Variants in CAPN2 observed in about 807,000 individuals in gnomAD.
CAPN2 encodes calpain 2.
CAPN2 carries 92 observed loss-of-function variants against 102.3 expected under a neutral mutation model. The observed-to-expected ratio is 0.90, with a 90% CI of 0.76 to 1.07. CAPN2 has a LOEUF of 1.07. Ranked by LOEUF, CAPN2 falls within the 50% of genes least tolerant of loss-of-function variation. The probability of loss-of-function intolerance (pLI) is 0.00; values close to 1 mark genes in which losing one functional copy is unlikely to be tolerated. For missense variants in CAPN2, 800 were observed against 909.4 expected (o/e 0.88, Z 1.55); for synonymous variants, 340 against 355.4 (o/e 0.96, Z 0.49).
chr1:223,759,621 G>A lies in CAPN2; in HGVS notation c.1529+140G>A, dbSNP rs1558075608. 3.1e-6 allele frequency: 2 copies of A among 654,370 alleles called. No individual in the cohort carries two copies. The highest frequency in any genetic ancestry group is 2.7e-5 in the East Asian group (1 of 36,656). The allele number at this position is 654,370 out of a possible 1,614,324, so 40.5% of individuals were successfully genotyped here. A position where few individuals can be genotyped will look rare whatever the true frequency, so the allele number is the denominator to read the frequency against. The stretch of plus-strand genomic sequence containing the variant: ...CACCTGCCCACCTCGAAGGACTAGT[G>A]TGGGGATTTGATGGATTGAGGAAGT... On this transcript the variant is annotated intron_variant, in intron 12 of 20. Coordinates refer to ENST00000295006, the MANE Select transcript of CAPN2 (RefSeq NM_001748.5). This position sits in a 1 kb window ranked among gnomAD's most constrained non-coding sequence, Gnocchi z 4.6.
rs1485948389 is a variant in CAPN2, at chr1:223,755,429, C to A, written c.1136-51C>A. The A allele has an allele frequency of 1.9e-6, 3 of 1,600,354 alleles. No individual in the cohort carries two copies. Among genetic ancestry groups the A allele is most frequent in the African/African-American group, 2.7e-5 (2 of 74,602 alleles). On this transcript the variant is annotated intron_variant, in intron 9 of 20. Coordinates refer to ENST00000295006, the MANE Select transcript of CAPN2 (RefSeq NM_001748.5). The surrounding 1 kb of genome is among the most constrained non-coding windows in gnomAD (Gnocchi z 4.1). ...CCTGAGACCAGGGCCACCCCCCACCCCCATGCATTCCTGCTCAGGGCTGGG... is the reference window on the plus strand; with the variant it reads ...CCTGAGACCAGGGCCACCCCCCACCACCATGCATTCCTGCTCAGGGCTGGG...
In CAPN2 at chr1:223,725,826, G is replaced by A. The variant is rs765611161; in HGVS notation, c.307+7995G>A. On this transcript the variant is annotated intron_variant, in intron 2 of 20. Transcript: ENST00000295006. The surrounding 1 kb of genome is among the most constrained non-coding windows in gnomAD (Gnocchi z 4.1). ...CTCTCTCCTATCCCAGCACATACAC[G>A]TGCTTCCAGTACCTTGTGATCTCTA... is the stretch of plus-strand genomic sequence containing the variant. Among the ~76,000 whole-genome samples, 1 of 152,154 alleles carries A rather than the reference G, an allele frequency of 6.6e-6. No homozygotes were observed. The highest frequency in any genetic ancestry group is 2.4e-5 in the African/African-American group (1 of 41,440).
intron 6 of CAPN2, 60 bp downstream of exon 6, chr1:223,749,182 A>G: frequency 6.8e-7 from 1 of 1,464,296 alleles, no homozygotes; most frequent in South Asian, 1.1e-5. Context: ...CCACAGGCAC[A>G]GTTTGTGGTG....
intron 1 of CAPN2, among the ~76,000 whole-genome samples, chr1:223,714,342 T>C (rs75272926): frequency 0.11 from 16,487 of 152,216 alleles, 1,523 homozygotes; most frequent in African/African-American, 0.23. Flanking sequence ...CTCACTCATT[T>C]GACAACACTG....
chr1:223,767,319 C>T (rs754297338), intron 16 of CAPN2, among the ~76,000 whole-genome samples: 4 of 149,152 alleles, frequency 2.7e-5, no homozygotes, highest in Non-Finnish European at 5.9e-5. Context: ...AGGTATATCT[C>T]CCAATGCCAT....
At chr1:223,745,267 C>T (rs1269880661) in intron 3 of CAPN2, 39 bp from the exon 4 acceptor site, 1 of 1,613,316 alleles carries the variant, frequency 6.2e-7, no homozygotes, top group African/African-American at 1.3e-5. Flanking sequence ...CCAGTGCTGC[C>T]ACCAGCTCCT....
At position 223,751,373 on chromosome 1, in the gene CAPN2, A is replaced by C. The variant is rs111260752; in HGVS notation, c.899+398A>C. Among the ~76,000 whole-genome samples, 168 of 152,298 alleles carry C rather than the reference A, an allele frequency of 1.1e-3. 3 individuals carry two copies. Among genetic ancestry groups the C allele is most frequent in the African/African-American group, 3.8e-3 (159 of 41,568 alleles). On this transcript the variant is annotated intron_variant, in intron 7 of 20. Coordinates refer to ENST00000295006, the MANE Select transcript of CAPN2 (RefSeq NM_001748.5). The stretch of plus-strand genomic sequence containing the variant: ...GAGAAACATCCCTCTGTTGATTTCC[A>C]GGGCTTACTGGTAGGCATGTTGAAC...
At chr1:223,720,309 T>TTCTC (rs775005421) in intron 2 of CAPN2, among the ~76,000 whole-genome samples, 1,380 of 123,586 alleles carry the variant, frequency 0.011, 47 homozygotes, top group African/African-American at 0.039. Flanking sequence ...TTTTCTCTCT[T>TTCTC]TCTCTCTTTT....
Position 223,755,724 on chromosome 1 carries a change from G to C in CAPN2, c.1305+75G>C. 9 of 1,380,774 alleles carry C rather than the reference G, an allele frequency of 6.5e-6. No homozygotes were observed. The highest frequency in any genetic ancestry group is 8.7e-6 in the Non-Finnish European group (9 of 1,031,204). The allele number at this position is 1,380,774 out of a possible 1,614,324, so 85.5% of individuals were successfully genotyped here. A position where few individuals can be genotyped will look rare whatever the true frequency, so the allele number is the denominator to read the frequency against. ...GCCCCTGCATGGAAAGCTGACCCCA[G>C]AGGCAGAACTGGGGATGGGATCCCA... is the stretch of plus-strand genomic sequence containing the variant. On this transcript the variant is annotated intron_variant, in intron 10 of 20. Transcript: ENST00000295006. The surrounding 1 kb of genome is among the most constrained non-coding windows in gnomAD (Gnocchi z 4.1).
chr1:223,723,082 G>A (rs1660097702), intron 2 of CAPN2, among the ~76,000 whole-genome samples: 1 of 152,158 alleles, frequency 6.6e-6, no homozygotes, highest in South Asian at 2.1e-4. Flanking sequence ...CAGCACTTTG[G>A]GAGGCTGGGG....
Position 223,752,865 on chromosome 1 carries a change from C to T in CAPN2, c.1044C>T (p.Leu348=), listed in dbSNP as rs28370082. ...LEICNLTPDT[L]TSDTYKKWKL... ...TCTGTAACCTGACCCCAGACACTCTCACCAGCGATACCTACAAGAAGTGGA... is the reference window on the plus strand; with the variant it reads ...TCTGTAACCTGACCCCAGACACTCTTACCAGCGATACCTACAAGAAGTGGA... The change falls in exon 9 of 21, where the codon CTC becomes CTT. Residue 348 remains leucine (L), a synonymous_variant. Transcript: ENST00000295006. The T allele has an allele frequency of 8.6e-4, 1,381 of 1,614,146 alleles. 10 individuals are homozygous for T. In the African/African-American group the frequency reaches 0.017, roughly 19 times the overall value.
chr1:223,765,285 C>G (rs980773230), intron 15 of CAPN2, among the ~76,000 whole-genome samples: 1 of 152,228 alleles, frequency 6.6e-6, no homozygotes, highest in Admixed American at 6.5e-5. Flanking sequence ...TGGGTCTTCC[C>G]TCCCAGTGTG....
At position 223,725,556 on chromosome 1, in the gene CAPN2, G is replaced by A. The variant is rs560201864; in HGVS notation, c.307+7725G>A. 7.2e-4 allele frequency among the ~76,000 whole-genome samples: 110 copies of A among 152,284 alleles called. No individual in the cohort carries two copies. Among genetic ancestry groups the A allele is most frequent in the African/African-American group, 1.2e-3 (49 of 41,560 alleles). On this transcript the variant is annotated intron_variant, in intron 2 of 20. Transcript: ENST00000295006. This position sits in a 1 kb window ranked among gnomAD's most constrained non-coding sequence, Gnocchi z 4.1. ...GGGGAGTACTGTCAAATGAGGTCGC[G>A]TCGCTGAGGTGGAGACACATTGTGG...
At chr1:223,760,404 A>G (rs1661155881) in intron 12 of CAPN2, among the ~76,000 whole-genome samples, 1 of 152,202 alleles carries the variant, frequency 6.6e-6, no homozygotes, top group Non-Finnish European at 1.5e-5. Context: ...CCCCAAGATA[A>G]TGCATGATGC....
chr1:223,769,104 C>A (rs1255053314), intron 16 of CAPN2, among the ~76,000 whole-genome samples: 31 of 151,946 alleles, frequency 2.0e-4, no homozygotes, highest in Non-Finnish European at 8.8e-5. Context: ...GAAGTTTTTT[C>A]TGTTTGTTTG....
In CAPN2 at chr1:223,713,666, C is replaced by T. The variant is rs542625508; in HGVS notation, c.237+789C>T. 3.3e-5 allele frequency among the ~76,000 whole-genome samples: 5 copies of T among 152,276 alleles called. No individual in the cohort carries two copies. The East Asian group carries it at 9.7e-4, about 29-fold the overall frequency. ...ACTTCCCCAGGCTTCCCCTACCACGCCTAGGAAAGCCTGCCCTGAAGTCCA... is the reference window on the plus strand; with the variant it reads ...ACTTCCCCAGGCTTCCCCTACCACGTCTAGGAAAGCCTGCCCTGAAGTCCA... On this transcript the variant is annotated intron_variant, in intron 1 of 20. Transcript: ENST00000295006.
At chr1:223,753,756 GT>G (rs1660963713) in intron 9 of CAPN2, among the ~76,000 whole-genome samples, 1 of 152,148 alleles carries the variant, frequency 6.6e-6, no homozygotes, top group Non-Finnish European at 1.5e-5. Context: ...TCAAAACTTT[GT>G]TTCATGCACA....
rs762479419 is a variant in CAPN2 at position 223,759,389 on chromosome 1, A to G, written c.1437A>G (p.Pro479=). The part of the protein sequence containing the change: ...REVLNRFKLP[P]GEYILVPSTF... ...TGCTCAACCGCTTCAAGCTGCCGCC[A>G]GGAGAGTACATTCTCGTGCCTTCCA... Residue 479 remains proline, a synonymous_variant, in exon 12 of 21, where the codon CCA becomes CCG. Transcript: ENST00000295006. The surrounding 1 kb of genome is among the most constrained non-coding windows in gnomAD (Gnocchi z 4.6). 6.2e-7 allele frequency: 1 copy of G among 1,614,196 alleles called. No homozygotes were observed. Among genetic ancestry groups the G allele is most frequent in the South Asian group, 1.1e-5 (1 of 91,090 alleles).
At chr1:223,768,004 G>A (rs1661379873) in intron 16 of CAPN2, among the ~76,000 whole-genome samples, 1 of 149,884 alleles carries the variant, frequency 6.7e-6, no homozygotes, top group Non-Finnish European at 1.5e-5. Context: ...AGAAGTGTCT[G>A]TTCATGTCCT....
Sources: allele counts gnomAD v4.1 joint callset (sites outside exome capture counted in the v4.1 genomes callset), GRCh38; gene constraint gnomAD v4.1.1; non-coding constraint Gnocchi (gnomAD v3.1); transcripts MANE v1.5; gene names NCBI Gene and HGNC (gene_info 2026-07-23, HGNC 2026-07-21).